Variants in SCN2A observed in about 807,000 individuals in gnomAD.
SCN2A encodes sodium channel protein type 2 subunit alpha.
Under a neutral mutation model 188.7 loss-of-function variants are expected in SCN2A, and 20 were observed. That is an observed-to-expected ratio of 0.11 (90% CI 0.07 to 0.15). SCN2A has a LOEUF of 0.15. Among genes scored for constraint, SCN2A ranks in the 10% least tolerant of loss-of-function variants. The probability of loss-of-function intolerance (pLI) is 1.00; values close to 1 mark genes in which losing one functional copy is unlikely to be tolerated. For synonymous variants in SCN2A, 804 were observed against 833.1 expected, an observed-to-expected ratio of 0.97 and a Z score of 0.60; for missense variants, 1,278 against 2,445.0, an observed-to-expected ratio of 0.52 and a Z score of 10.07.
intron 7 of SCN2A, among the ~76,000 whole-genome samples, 157 bp from the exon 8 acceptor site, chr2:165,311,863 TATTTG>T (rs1345191622): frequency 1.3e-5 from 2 of 152,202 alleles, no homozygotes; most frequent in Non-Finnish European, 2.9e-5. Context: ...TATATATTGA[TATTTG>T]TTCAATATTG....
chr2:165,354,994 T>C (rs1433237765), intron 17 of SCN2A, among the ~76,000 whole-genome samples: 1 of 152,228 alleles, frequency 6.6e-6, no homozygotes, highest in Admixed American at 6.5e-5. Flanking sequence ...TCCTTGTAAT[T>C]TGCCCACAAC....
rs371250921 is a variant in SCN2A, at chr2:165,260,412, A to G, written c.-52+20772A>G. ...AAAGAATAGTTTTTTTCTGAGCAGT[A>G]AATCTTAACTGTGAGCTTAAAATAT... is the stretch of plus-strand genomic sequence containing the variant. On this transcript the variant is annotated intron_variant, in intron 1 of 26. Coordinates refer to ENST00000375437, the MANE Select transcript of SCN2A (RefSeq NM_001040142.2). Among the ~76,000 whole-genome samples the G allele has an allele frequency of 9.2e-5, 14 of 152,312 alleles. No individual in the cohort carries two copies. In the South Asian group the frequency reaches 1.9e-3, roughly 20 times the overall value.
chr2:165,344,283 A>G (rs1699455000), intron 15 of SCN2A, among the ~76,000 whole-genome samples: 2 of 152,096 alleles, frequency 1.3e-5, no homozygotes, highest in African/African-American at 2.4e-5. Flanking sequence ...AGTCACTGCT[A>G]TATTTGTTAG....
intron 17 of SCN2A, among the ~76,000 whole-genome samples, chr2:165,360,934 T>C (rs189529714): frequency 9.5e-4 from 145 of 152,100 alleles, no homozygotes; most frequent in African/African-American, 3.3e-3. Flanking sequence ...GTTGTAACAG[T>C]TTCACATAGT....
intron 16 of SCN2A, among the ~76,000 whole-genome samples, chr2:165,349,521 A>T (rs1288321644): frequency 6.6e-6 from 1 of 151,948 alleles, no homozygotes; most frequent in African/African-American, 2.4e-5. Context: ...TGTGCAGAAA[A>T]TTGAAGTTGA....
At chr2:165,335,101 AT>A (rs537995745) in intron 14 of SCN2A, among the ~76,000 whole-genome samples, 231 of 151,880 alleles carry the variant, frequency 1.5e-3, no homozygotes, top group African/African-American at 5.4e-3. Context: ...GTTGAAAGAA[AT>A]TAAAGAACTA....
At chr2:165,367,448 C>T in intron 19 of SCN2A, 77 bp downstream of exon 19, 2 of 1,459,652 alleles carry the variant, frequency 1.4e-6, no homozygotes, top group Non-Finnish European at 1.9e-6. Flanking sequence ...TCATATTACC[C>T]ACTTTTAAAT....
intron 1 of SCN2A, among the ~76,000 whole-genome samples, chr2:165,276,453 T>C (rs1695348142): frequency 6.6e-6 from 1 of 152,184 alleles, no homozygotes; most frequent in South Asian, 2.1e-4. Context: ...AAAATATATT[T>C]ATAATATGAG....
chr2:165,347,859 A>C (rs1218910670), intron 16 of SCN2A, among the ~76,000 whole-genome samples: 1 of 152,194 alleles, frequency 6.6e-6, no homozygotes, highest in Non-Finnish European at 1.5e-5. Flanking sequence ...AATATATTTA[A>C]CTGAGATGTA....
chr2:165,269,452 A>G (rs1452318391), intron 1 of SCN2A: 1 of 152,040 alleles, frequency 6.6e-6, no homozygotes, highest in Non-Finnish European at 1.5e-5. Flanking sequence ...TTCCCTACTC[A>G]CTAATGTGTT....
chr2:165,282,036 A>G (rs1298816753), intron 1 of SCN2A, among the ~76,000 whole-genome samples: 1 of 151,940 alleles, frequency 6.6e-6, no homozygotes, highest in Non-Finnish European at 1.5e-5. Flanking sequence ...AACTATTGCC[A>G]CCCTCCAACA....
intron 23 of SCN2A, among the ~76,000 whole-genome samples, chr2:165,379,294 A>G (rs779880750): frequency 6.6e-6 from 1 of 151,750 alleles, no homozygotes; most frequent in Non-Finnish European, 1.5e-5. Context: ...TGAGCCTTAA[A>G]AATACAACAT....
At chr2:165,274,848 G>A (rs576528287) in intron 1 of SCN2A, among the ~76,000 whole-genome samples, 3 of 152,312 alleles carry the variant, frequency 2.0e-5, no homozygotes, top group South Asian at 2.1e-4. Flanking sequence ...CGGGCAGCCC[G>A]GGCTTGGCTA....
chr2:165,291,345 G>GTCATTCCTTCCT (rs1439152285), intron 1 of SCN2A, among the ~76,000 whole-genome samples: 3 of 102,682 alleles, frequency 2.9e-5, no homozygotes, highest in Admixed American at 1.1e-4. Context: ...GGACTTGTCT[G>GTCATTCCTTCCT]TCGTTCGTTC....
intron 21 of SCN2A, among the ~76,000 whole-genome samples, chr2:165,373,862 A>T (rs555848625): frequency 6.6e-5 from 10 of 152,178 alleles, no homozygotes; most frequent in Admixed American, 6.6e-4. Context: ...GTTTGTGCTG[A>T]CATTTGTCGT....
At chr2:165,306,358 T>G (rs1485521789) in intron 3 of SCN2A, among the ~76,000 whole-genome samples, 1 of 152,152 alleles carries the variant, frequency 6.6e-6, no homozygotes, top group Non-Finnish European at 1.5e-5. Context: ...CCACGGGGTG[T>G]TATTTTTCCC....
chr2:165,352,711 T>C (rs1699989475), intron 16 of SCN2A, among the ~76,000 whole-genome samples: 1 of 152,174 alleles, frequency 6.6e-6, no homozygotes, highest in Admixed American at 6.5e-5. Flanking sequence ...TTAAAAATAT[T>C]GTATAATATT....
intron 1 of SCN2A, among the ~76,000 whole-genome samples, chr2:165,265,471 C>CTA (rs1178289931): frequency 0.077 from 2,218 of 28,728 alleles, 158 homozygotes; most frequent in Middle Eastern, 0.12. Flanking sequence ...CTCTGTTGAT[C>CTA]TATATATATA....
At chr2:165,352,735 G>A (rs1156502584) in intron 16 of SCN2A, among the ~76,000 whole-genome samples, 3 of 152,128 alleles carry the variant, frequency 2.0e-5, no homozygotes, top group Non-Finnish European at 2.9e-5. Context: ...TTCAGGCTAT[G>A]TGTATGTGTA....
Sources: allele counts gnomAD v4.1 joint callset (sites outside exome capture counted in the v4.1 genomes callset), GRCh38; gene constraint gnomAD v4.1.1; transcripts MANE v1.5; gene names NCBI Gene and HGNC (gene_info 2026-07-23, HGNC 2026-07-21).